FEM1C: variants seen among roughly 807,000 people sequenced by gnomAD.
FEM1C encodes fem-1 homolog C, also known as protein fem-1 homolog C.
FEM1C carries 15 observed loss-of-function variants against 37.6 expected under a neutral mutation model. The observed-to-expected ratio is 0.40, with a 90% CI of 0.27 to 0.61. FEM1C has a LOEUF of 0.61. FEM1C is among the 20% of genes least tolerant of loss of function. The pLI is 0.42. For missense variants in FEM1C, 532 were observed against 749.7 expected, an observed-to-expected ratio of 0.71 and a Z score of 3.39; for synonymous variants, 287 against 272.8, an observed-to-expected ratio of 1.05 and a Z score of -0.51.
chr5:115,527,016 A>AT (rs1561556685), intron 2 of FEM1C, among the ~76,000 whole-genome samples: 2 of 152,052 alleles, frequency 1.3e-5, no homozygotes, highest in Admixed American at 1.3e-4. Context: ...AACATGACAC[A>AT]TATGTATTTA....
At chr5:115,544,129 G>A (rs1754304013) in intron 1 of FEM1C, 1 of 985,386 alleles carries the variant, frequency 1.0e-6, no homozygotes, top group South Asian at 4.7e-5. Flanking sequence ...CAAAAAGGTC[G>A]GACACACCAA....
intron 2 of FEM1C, among the ~76,000 whole-genome samples, chr5:115,535,517 T>C (rs79062172): frequency 0.014 from 2,053 of 151,972 alleles, 51 homozygotes; most frequent in African/African-American, 0.048. Context: ...TCATTAGCGA[T>C]TGGAGAAATA....
At chr5:115,526,333 G>A (rs1202710052) in intron 2 of FEM1C, among the ~76,000 whole-genome samples, 4 of 152,120 alleles carry the variant, frequency 2.6e-5, no homozygotes, top group African/African-American at 9.7e-5. Context: ...CAAATCCATG[G>A]AATCTGAAAA....
intron 2 of FEM1C, among the ~76,000 whole-genome samples, chr5:115,538,698 T>C (rs1368081284): frequency 6.6e-6 from 1 of 152,044 alleles, no homozygotes; most frequent in Non-Finnish European, 1.5e-5. Flanking sequence ...CCAACTCCTG[T>C]ACCTAGATTA....
In FEM1C at chr5:115,524,873, T is replaced by C. The variant is rs1389777713; in HGVS notation, c.1289A>G (p.Gln430Arg). Residue 430 changes from glutamine to arginine, a missense_variant, in exon 3 of 3, where the codon CAG becomes CGG. Physicochemically the swap from Gln to Arg is conservative, Grantham distance 43 (BLOSUM62 1). Coordinates refer to ENST00000274457, the MANE Select transcript of FEM1C (RefSeq NM_020177.3). ...LEIERAIKQTQCPADPLQLNK... is the reference protein window; with the variant it reads ...LEIERAIKQTRCPADPLQLNK... ...TAACTGTAATGGGTCAGCTGGACAC[T>C]GAGTTTGTTTGATAGCTCGCTCTAT... 3.1e-6 allele frequency: 5 copies of C among 1,613,582 alleles called. No individual in the cohort carries two copies. In the African/African-American group the frequency reaches 5.3e-5, roughly 17 times the overall value.
At chr5:115,535,198 A>G (rs1290741005) in intron 2 of FEM1C, among the ~76,000 whole-genome samples, 5 of 151,766 alleles carry the variant, frequency 3.3e-5, no homozygotes, top group Non-Finnish European at 7.4e-5. Context: ...TAAGTAAGAC[A>G]TTATATAAGT....
At chr5:115,543,814 C>G (rs992148549) in intron 1 of FEM1C, 131 bp from the exon 2 acceptor site, 16 of 1,061,804 alleles carry the variant, frequency 1.5e-5, no homozygotes, top group South Asian at 3.6e-5. Context: ...CCCACACACC[C>G]CCCCCACCCC....
At position 115,524,197 on chromosome 5, in the gene FEM1C, A is replaced by G. The variant is rs1488503350; in HGVS notation, c.*111T>C. 2 of 826,520 alleles carry G rather than the reference A, an allele frequency of 2.4e-6. No individual in the cohort carries two copies. The highest frequency in any genetic ancestry group is 3.9e-6 in the Non-Finnish European group (2 of 517,532). The allele number at this position is 826,520 out of a possible 1,614,324, so 51.2% of individuals were successfully genotyped here. A position where few individuals can be genotyped will look rare whatever the true frequency, so the allele number is the denominator to read the frequency against. On this transcript the variant is annotated 3_prime_UTR_variant, in exon 3 of 3. Transcript: ENST00000274457. ...TTATAATGCTTTAGCCAATGAGAGC[A>G]CAATGATATCAATCAAGCTAAATGA...
At chr5:115,527,774 G>A (rs1211494791) in intron 2 of FEM1C, among the ~76,000 whole-genome samples, 1 of 151,990 alleles carries the variant, frequency 6.6e-6, no homozygotes, top group African/African-American at 2.4e-5. Flanking sequence ...AGGCTGAGGT[G>A]GGCAGATTAT....
At chr5:115,535,359 A>G (rs1754104003) in intron 2 of FEM1C, among the ~76,000 whole-genome samples, 1 of 151,742 alleles carries the variant, frequency 6.6e-6, no homozygotes, top group African/African-American at 2.4e-5. Context: ...CATACATAAG[A>G]ATATATAAAC....
intron 2 of FEM1C, among the ~76,000 whole-genome samples, chr5:115,533,683 T>C (rs1754062021): frequency 6.6e-6 from 1 of 151,918 alleles, no homozygotes; most frequent in Non-Finnish European, 1.5e-5. Flanking sequence ...AGATTTTCCA[T>C]CTCCACATCA....
chr5:115,542,133 T>C (rs1754254957), intron 2 of FEM1C, among the ~76,000 whole-genome samples: 2 of 152,204 alleles, frequency 1.3e-5, no homozygotes, highest in South Asian at 2.1e-4. Flanking sequence ...AATTATGCTA[T>C]CAAGGCAGTT....
rs1753819833 is a variant in FEM1C at position 115,523,658 on chromosome 5, G to C, written c.*650C>G. On this transcript the variant is annotated 3_prime_UTR_variant, in exon 3 of 3. Coordinates refer to ENST00000274457, the MANE Select transcript of FEM1C (RefSeq NM_020177.3). ...CAGCTCTAAAAATTGTCATGCTACA[G>C]AGTACTTTCAAAAAATTAAGTTTGT... 6.6e-6 allele frequency: 1 copy of C among 152,492 alleles called. No individual in the cohort carries two copies. The highest frequency in any genetic ancestry group is 2.1e-4 in the South Asian group (1 of 4,832). 9.4% of individuals were successfully genotyped at this position (152,492 alleles called of 1,614,324 possible).
chr5:115,542,548 A>C (rs1375935144), intron 2 of FEM1C, among the ~76,000 whole-genome samples: 2 of 141,444 alleles, frequency 1.4e-5, no homozygotes, highest in Non-Finnish European at 3.0e-5. Context: ...AGTAATTTCT[A>C]CTCCAAGGTT....
At chr5:115,539,032 T>C (rs1418398626) in intron 2 of FEM1C, among the ~76,000 whole-genome samples, 1 of 152,062 alleles carries the variant, frequency 6.6e-6, no homozygotes, top group African/African-American at 2.4e-5. Context: ...GTTAAAAATG[T>C]GACACCTCGT....
chr5:115,543,058 T>A lies in FEM1C; in HGVS notation c.436A>T (p.Asn146Tyr). ...VEHKADLEVS[N>Y]RHGHTCLMIS... Reference sequence around the variant, plus strand: ...ATCAAGCACGTATGCCCATGTCGGTTTGACACTTCCAAATCAGCTTTGTGT... The same window carrying A: ...ATCAAGCACGTATGCCCATGTCGGTATGACACTTCCAAATCAGCTTTGTGT... Residue 146 changes from asparagine (N) to tyrosine (Y), a missense_variant, in exon 2 of 3, where the codon AAC becomes TAC. Physicochemically the swap from Asn to Tyr is moderately radical, Grantham distance 143. Coordinates refer to ENST00000274457, the MANE Select transcript of FEM1C (RefSeq NM_020177.3). 1 of 1,614,272 alleles carries A rather than the reference T, an allele frequency of 6.2e-7. No individual in the cohort carries two copies. The highest frequency in any genetic ancestry group is 8.5e-7 in the Non-Finnish European group (1 of 1,180,050).
chr5:115,536,104 G>C (rs1754122122), intron 2 of FEM1C, among the ~76,000 whole-genome samples: 1 of 151,888 alleles, frequency 6.6e-6, no homozygotes, highest in Admixed American at 6.6e-5. Flanking sequence ...ACTCTTAATG[G>C]ATATGAGATT....
chr5:115,534,891 G>T (rs1446876315), intron 2 of FEM1C, among the ~76,000 whole-genome samples: 1 of 151,792 alleles, frequency 6.6e-6, no homozygotes, highest in Admixed American at 6.6e-5. Context: ...AATAGAGAAG[G>T]ATTCTTATTT....
chr5:115,532,204 A>G (rs1180015153), intron 2 of FEM1C, among the ~76,000 whole-genome samples: 1 of 152,090 alleles, frequency 6.6e-6, no homozygotes, highest in Non-Finnish European at 1.5e-5. Context: ...ACCTTACACT[A>G]GTATAATGCT....
Sources: allele counts gnomAD v4.1 joint callset (sites outside exome capture counted in the v4.1 genomes callset), GRCh38; gene constraint gnomAD v4.1.1; transcripts MANE v1.5; gene names NCBI Gene and HGNC (gene_info 2026-07-23, HGNC 2026-07-21).